The following PTPRJ variants were observed in gnomAD, a reference collection of about 807,000 sequenced individuals.
The protein encoded by PTPRJ is receptor-type tyrosine-protein phosphatase eta.
A neutral mutation model predicts 141.3 loss-of-function variants in PTPRJ; 129 were observed. The observed-to-expected ratio is 0.91, with a 90% CI of 0.79 to 1.06. PTPRJ has a LOEUF of 1.06. Among genes scored for constraint, PTPRJ ranks in the 50% least tolerant of loss-of-function variants. PTPRJ has a pLI of 0.00. For missense variants in PTPRJ, 1,601 were observed against 1,679.7 expected, an observed-to-expected ratio of 0.95 and a Z score of 0.82; for synonymous variants, 610 against 640.5, an observed-to-expected ratio of 0.95 and a Z score of 0.72.
intron 1 of PTPRJ, among the ~76,000 whole-genome samples, chr11:48,079,967 C>T (rs144873208): frequency 9.8e-4 from 150 of 152,298 alleles, no homozygotes; most frequent in African/African-American, 3.3e-3. Context: ...TATCCCCCAT[C>T]AGAGAAGAGG....
intron 1 of PTPRJ, among the ~76,000 whole-genome samples, chr11:48,097,073 C>G (rs552855110): frequency 1.3e-5 from 2 of 152,312 alleles, no homozygotes; most frequent in African/African-American, 4.8e-5. Flanking sequence ...CCAGTCAGTT[C>G]AAGTGCTAGG....
rs1218543745 is a variant in PTPRJ, at chr11:48,038,946, C to G, written c.96+57938C>G. Among the ~76,000 whole-genome samples, 3 of 150,196 alleles carry G rather than the reference C, an allele frequency of 2.0e-5. No homozygotes were observed. In the South Asian group the frequency reaches 6.3e-4, roughly 31 times the overall value. ...AGTGGATCACTTGAGGTCAGGAGTT[C>G]GAGACCAGCCTGGCCAACATGGTGA... On this transcript the variant is annotated intron_variant, in intron 1 of 24. Coordinates refer to ENST00000418331, the MANE Select transcript of PTPRJ (RefSeq NM_002843.4).
chr11:48,149,385 C>T, intron 15 of PTPRJ, 62 bp from the exon 16 acceptor site: 1 of 1,141,472 alleles, frequency 8.8e-7, no homozygotes, highest in Non-Finnish European at 1.3e-6. Context: ...TCCAGATACA[C>T]AAGGGAAAAG....
chr11:48,154,253 C>G (rs549748796), intron 19 of PTPRJ, among the ~76,000 whole-genome samples: 1 of 152,286 alleles, frequency 6.6e-6, no homozygotes, highest in South Asian at 2.1e-4. Flanking sequence ...GTTCTTAACC[C>G]CTCTGTCTCA....
chr11:48,072,960 A>G (rs1173279952), intron 1 of PTPRJ, among the ~76,000 whole-genome samples: 3 of 152,262 alleles, frequency 2.0e-5, no homozygotes, highest in Admixed American at 1.3e-4. Context: ...AGATAATAGT[A>G]TAAATGGCTT....
Position 48,156,571 on chromosome 11 carries a change from C to T in PTPRJ, c.3438+452C>T, listed in dbSNP as rs1204471016. Among the ~76,000 whole-genome samples, 9 of 133,318 alleles carry T rather than the reference C, an allele frequency of 6.8e-5. 1 individual carries two copies. The highest frequency in any genetic ancestry group is 2.5e-4 in the African/African-American group (9 of 35,782). The allele number at this position is 133,318 out of a possible 152,430, so 87.5% of individuals were successfully genotyped here. A position where few individuals can be genotyped will look rare whatever the true frequency, so the allele number is the denominator to read the frequency against. On this transcript the variant is annotated intron_variant, in intron 21 of 24. Transcript: ENST00000418331. ...GCACTGAACCCCTCCTGCCTCCACC[C>T]CAGGGTTTTTTTTTTTTTTTTTTTT...
chr11:48,035,538 C>CTTTTTTTTTTTTTTTTTTTTT (rs66504227), intron 1 of PTPRJ, among the ~76,000 whole-genome samples: 52 of 61,750 alleles, frequency 8.4e-4, no homozygotes, highest in South Asian at 1.7e-3. Flanking sequence ...CTTTCTTCTT[C>CTTTTTTTTTTTTTTTTTTTTT]TTTTTTTTTT....
intron 1 of PTPRJ, among the ~76,000 whole-genome samples, chr11:48,092,466 G>A (rs1855897094): frequency 6.6e-6 from 1 of 151,124 alleles, no homozygotes; most frequent in African/African-American, 2.4e-5. Context: ...GTCTTGCTCT[G>A]TTGCCCAGGC....
chr11:48,036,559 TATC>T (rs1334219736), intron 1 of PTPRJ, among the ~76,000 whole-genome samples: 3 of 152,236 alleles, frequency 2.0e-5, no homozygotes, highest in African/African-American at 7.2e-5. Flanking sequence ...GTGGTGGCCT[TATC>T]ATATCTACAT....
At chr11:48,130,125 G>A (rs1412725209) in intron 7 of PTPRJ, among the ~76,000 whole-genome samples, 1 of 150,720 alleles carries the variant, frequency 6.6e-6, no homozygotes, top group African/African-American at 2.4e-5. Context: ...TGGGAGGCTA[G>A]TAATGCATTC....
chr11:48,154,878 C>T (rs1411507654), intron 19 of PTPRJ, among the ~76,000 whole-genome samples: 1 of 152,036 alleles, frequency 6.6e-6, no homozygotes, highest in African/African-American at 2.4e-5. Context: ...TGGAGATTCT[C>T]AGATCTGGAG....
intron 1 of PTPRJ, among the ~76,000 whole-genome samples, chr11:48,102,777 A>C (rs1856181163): frequency 6.6e-6 from 1 of 152,144 alleles, no homozygotes; most frequent in African/African-American, 2.4e-5. Flanking sequence ...CAAGCAATGC[A>C]TGGCAGTGGG....
At chr11:48,069,848 C>G (rs1855195291) in intron 1 of PTPRJ, among the ~76,000 whole-genome samples, 1 of 152,152 alleles carries the variant, frequency 6.6e-6, no homozygotes. Context: ...ACCAAAGTCA[C>G]CATTAAATAT....
At chr11:48,132,068 A>G (rs1416717613) in intron 8 of PTPRJ, 8 of 856,108 alleles carry the variant, frequency 9.3e-6, no homozygotes, top group Admixed American at 1.2e-4. Flanking sequence ...GAGCCTTAAT[A>G]ACTTTTAAGA....
intron 21 of PTPRJ, among the ~76,000 whole-genome samples, chr11:48,159,119 TGGG>T (rs376124837): frequency 4.8e-4 from 8 of 16,722 alleles, no homozygotes; most frequent in South Asian, 2.1e-3. Context: ...TGTGTGTATG[TGGG>T]GTGTGTGTGT....
At chr11:48,111,837 G>C (rs749627697) in intron 2 of PTPRJ, among the ~76,000 whole-genome samples, 3 of 152,040 alleles carry the variant, frequency 2.0e-5, no homozygotes, top group Non-Finnish European at 4.4e-5. Context: ...TATGAATTTG[G>C]GGGTGGCGGA....
At chr11:48,024,533 C>A (rs1485931676) in intron 1 of PTPRJ, among the ~76,000 whole-genome samples, 1 of 152,126 alleles carries the variant, frequency 6.6e-6, no homozygotes. Context: ...CCTGATCAAC[C>A]TTTTCTTTTC....
At chr11:48,161,894 G>C (rs1857790875) in intron 22 of PTPRJ, among the ~76,000 whole-genome samples, 1 of 152,074 alleles carries the variant, frequency 6.6e-6, no homozygotes, top group African/African-American at 2.4e-5. Context: ...ATTACAGGTG[G>C]GAGTCACTGT....
In PTPRJ at chr11:48,136,256, C is replaced by A; in HGVS notation, c.1833C>A (p.Asp611Glu). Residue 611 changes from aspartate to glutamate, a missense_variant, in exon 9 of 25, where the codon GAC becomes GAA. Physicochemically the swap from Asp to Glu is conservative, Grantham distance 45. Coordinates refer to ENST00000418331, the MANE Select transcript of PTPRJ (RefSeq NM_002843.4). ...ACATCACCATCTCTCCAGAAGTGGACCACGTCTGGGGGGACCCCAACTCCA... is the reference window on the plus strand; with the variant it reads ...ACATCACCATCTCTCCAGAAGTGGAACACGTCTGGGGGGACCCCAACTCCA... ...LYNITISPEV[D>E]HVWGDPNSTA... 6.2e-7 allele frequency: 1 copy of A among 1,614,230 alleles called. No individual in the cohort carries two copies. The highest frequency in any genetic ancestry group is 8.5e-7 in the Non-Finnish European group (1 of 1,180,044).
Sources: gnomAD v4.1 joint callset for allele counts (sites outside exome capture counted in the v4.1 genomes callset) on GRCh38, gnomAD v4.1.1 for gene constraint, MANE v1.5 for transcripts, NCBI Gene and HGNC (gene_info 2026-07-23, HGNC 2026-07-21) for gene names.